Variants in CTSS observed in about 807,000 individuals in gnomAD.
CTSS encodes the protein cathepsin S.
A neutral mutation model predicts 39.9 loss-of-function variants in CTSS; 15 were observed. The ratio of observed to expected loss-of-function variants is 0.38; its 90% CI spans 0.25 to 0.58. The LOEUF is 0.58. CTSS is among the 20% of genes least tolerant of loss of function. The pLI, the probability that CTSS is intolerant of heterozygous loss-of-function variation, is 0.70. For synonymous variants in CTSS, 126 were observed against 138.2 expected (o/e 0.91, Z 0.62); for missense variants, 250 against 398.2 (o/e 0.63, Z 3.17).
At chr1:150,764,018 C>T (rs1285851443) in intron 2 of CTSS, among the ~76,000 whole-genome samples, 1 of 152,066 alleles carries the variant, frequency 6.6e-6, no homozygotes, top group Non-Finnish European at 1.5e-5. Context: ...TATAGATAGA[C>T]TTCTTACCAC....
chr1:150,735,376 T>C (rs2101908598), intron 7 of CTSS, among the ~76,000 whole-genome samples: 1 of 152,368 alleles, frequency 6.6e-6, no homozygotes, highest in Non-Finnish European at 1.5e-5. Context: ...CCCACCTTAC[T>C]GGTCTCTTGG....
chr1:150,764,663 G>A lies in CTSS; in HGVS notation c.101C>T (p.Thr34Ile). 1 of 1,614,084 alleles carries A rather than the reference G, an allele frequency of 6.2e-7. No homozygotes were observed. The highest frequency in any genetic ancestry group is 8.5e-7 in the Non-Finnish European group (1 of 1,179,970). Residue 34 changes from threonine (T) to isoleucine (I), a missense_variant, in exon 2 of 8, where the codon ACC becomes ATC. By Grantham distance (89) the Thr-to-Ile change is moderately conservative. Coordinates refer to ENST00000368985, the MANE Select transcript of CTSS (RefSeq NM_004079.5). Reference sequence around the variant, plus strand: ...CTTTTCCTTGTATTGTTTGCCATAGGTTTTCTTCCAGAGATGCCAGTGGTG... The same window carrying A: ...CTTTTCCTTGTATTGTTTGCCATAGATTTTCTTCCAGAGATGCCAGTGGTG... ...LDHHWHLWKK[T>I]YGKQYKEKNE... is the part of the protein sequence containing the mutation.
intron 6 of CTSS, among the ~76,000 whole-genome samples, chr1:150,749,576 C>T (rs1248336647): frequency 1.4e-5 from 2 of 140,480 alleles, no homozygotes; most frequent in Admixed American, 1.5e-4. Context: ...CGCCTCACCC[C>T]GCCCCGCCCC....
chr1:150,747,645 T>C (rs1215056513), intron 7 of CTSS, 132 bp downstream of exon 7: 2 of 657,300 alleles, frequency 3.0e-6, no homozygotes, highest in African/African-American at 1.8e-5. Flanking sequence ...AGAATGTCAC[T>C]TTGTAAGAAG....
chr1:150,758,359 A>AT (rs1343498550), intron 2 of CTSS, among the ~76,000 whole-genome samples: 1 of 151,962 alleles, frequency 6.6e-6, no homozygotes, highest in Non-Finnish European at 1.5e-5. Flanking sequence ...CAAAAATAGC[A>AT]TTTTTGAAGC....
At chr1:150,745,955 C>T (rs138394825) in intron 7 of CTSS, among the ~76,000 whole-genome samples, 193 of 152,212 alleles carry the variant, frequency 1.3e-3, no homozygotes, top group African/African-American at 4.0e-3. Flanking sequence ...CCATCTCCAC[C>T]CGTGCTGTAC....
At chr1:150,752,073 C>T (rs1429280339) in intron 4 of CTSS, 65 bp from the exon 5 acceptor site, 3 of 1,518,804 alleles carry the variant, frequency 2.0e-6, no homozygotes, top group Non-Finnish European at 2.7e-6. Context: ...TTCCATAACC[C>T]AAACTGGACA....
At chr1:150,761,514 C>A (rs1247088840) in intron 2 of CTSS, among the ~76,000 whole-genome samples, 2 of 151,692 alleles carry the variant, frequency 1.3e-5, no homozygotes, top group Non-Finnish European at 2.9e-5. Flanking sequence ...GGCAGATCAC[C>A]TGAGGTCGGG....
chr1:150,759,745 G>C (rs1319407173), intron 2 of CTSS, among the ~76,000 whole-genome samples: 2 of 152,130 alleles, frequency 1.3e-5, no homozygotes, highest in African/African-American at 4.8e-5. Context: ...AGAAGGCAAG[G>C]TGGATGGTGC....
chr1:150,734,194 AT>A lies in CTSS; in HGVS notation c.897-1050del, dbSNP rs1652584614. Among the ~76,000 whole-genome samples, 10 of 151,878 alleles carry A rather than the reference AT, an allele frequency of 6.6e-5. No homozygotes were observed. The South Asian group carries it at 2.1e-3, about 32-fold the overall frequency. ...CAGGCATGTGCCACCACGACGGCTA[AT>A]TTTGTATTTTTAGTAGAGATGGGGT... On this transcript the variant is annotated intron_variant, in intron 7 of 7. Coordinates refer to ENST00000368985, the MANE Select transcript of CTSS (RefSeq NM_004079.5).
At chr1:150,754,629 T>G (rs1162419429) in intron 4 of CTSS, among the ~76,000 whole-genome samples, 1 of 152,136 alleles carries the variant, frequency 6.6e-6, no homozygotes, top group Non-Finnish European at 1.5e-5. Flanking sequence ...GGTTTCATCA[T>G]GTTGGCCAGG....
At chr1:150,758,494 A>G (rs1653181252) in intron 2 of CTSS, among the ~76,000 whole-genome samples, 1 of 152,068 alleles carries the variant, frequency 6.6e-6, no homozygotes, top group Admixed American at 6.6e-5. Context: ...ATATTATTTT[A>G]TGATAAACAT....
At chr1:150,737,632 G>A (rs1004145147) in intron 7 of CTSS, among the ~76,000 whole-genome samples, 1 of 152,136 alleles carries the variant, frequency 6.6e-6, no homozygotes, top group Non-Finnish European at 1.5e-5. Flanking sequence ...ATAGACTGAA[G>A]TCCTGGGCTT....
At position 150,732,901 on chromosome 1, in the gene CTSS, G is replaced by A. The variant is rs1310231473; in HGVS notation, c.*145C>T. The stretch of plus-strand genomic sequence containing the variant: ...TGGGATTACAGGCGTGAGCCACCGT[G>A]CCCGGCCTCAAACTATATTTTCTAA... On this transcript the variant is annotated 3_prime_UTR_variant, in exon 8 of 8. Coordinates refer to ENST00000368985, the MANE Select transcript of CTSS (RefSeq NM_004079.5). The A allele has an allele frequency of 1.0e-5, 6 of 589,976 alleles. No individual in the cohort carries two copies. The highest frequency in any genetic ancestry group is 3.3e-5 in the Admixed American group (1 of 30,628). 36.5% of individuals were successfully genotyped at this position (589,976 alleles called of 1,614,324 possible).
At chr1:150,745,186 G>A (rs1339139043) in intron 7 of CTSS, among the ~76,000 whole-genome samples, 1 of 152,134 alleles carries the variant, frequency 6.6e-6, no homozygotes, top group Non-Finnish European at 1.5e-5. Context: ...TGTACTTCAA[G>A]TAAAGATTTA....
At chr1:150,757,741 A>G in intron 3 of CTSS, 117 bp downstream of exon 3, 1 of 1,017,842 alleles carries the variant, frequency 9.8e-7, no homozygotes, top group Non-Finnish European at 1.4e-6. Flanking sequence ...CTGTTTTCCA[A>G]CTTTGTACTA....
chr1:150,760,172 A>G (rs143400075), intron 2 of CTSS, among the ~76,000 whole-genome samples: 27 of 152,340 alleles, frequency 1.8e-4, no homozygotes, highest in African/African-American at 6.5e-4. Flanking sequence ...CTAATTGCAC[A>G]TCTAAGTCCA....
At chr1:150,735,371 C>T (rs928111542) in intron 7 of CTSS, among the ~76,000 whole-genome samples, 4 of 152,166 alleles carry the variant, frequency 2.6e-5, no homozygotes, top group African/African-American at 7.2e-5. Context: ...CTACTCCCAC[C>T]TTACTGGTCT....
chr1:150,736,285 GA>G (rs941823077), intron 7 of CTSS, among the ~76,000 whole-genome samples: 1 of 151,954 alleles, frequency 6.6e-6, no homozygotes. Context: ...TTTTACTAAA[GA>G]AAAAAACAGA....
Sources: allele counts gnomAD v4.1 joint callset (sites outside exome capture counted in the v4.1 genomes callset), GRCh38; gene constraint gnomAD v4.1.1; transcripts MANE v1.5; gene names NCBI Gene and HGNC (gene_info 2026-07-23, HGNC 2026-07-21).